The following SLC25A21 variants were observed in gnomAD, a reference collection of about 807,000 sequenced individuals.
The protein encoded by SLC25A21 is solute carrier family 25 member 21, also known as mitochondrial 2-oxodicarboxylate carrier.
SLC25A21 carries 47 observed loss-of-function variants against 43.8 expected under a neutral mutation model. That is an observed-to-expected ratio of 1.07 (90% CI 0.85 to 1.37). The LOEUF is 1.37. SLC25A21 is among the 40% of genes most tolerant of loss of function. The probability of loss-of-function intolerance (pLI) is 0.00; values close to 1 mark genes in which losing one functional copy is unlikely to be tolerated. For synonymous variants in SLC25A21, 131 were observed against 121.3 expected (o/e 1.08, Z -0.52); for missense variants, 352 against 350.2 (o/e 1.00, Z -0.04).
chr14:37,115,617 T>C (rs752143310), intron 1 of SLC25A21, among the ~76,000 whole-genome samples: 1 of 152,188 alleles, frequency 6.6e-6, no homozygotes, highest in Non-Finnish European at 1.5e-5. Flanking sequence ...GAAATCCATC[T>C]AGGGCTAGGA....
chr14:36,938,039 T>C (rs945622281), intron 1 of SLC25A21, among the ~76,000 whole-genome samples: 21 of 152,180 alleles, frequency 1.4e-4, no homozygotes, highest in African/African-American at 5.1e-4. Context: ...CAACTCGATA[T>C]AATGTTTGGC....
intron 1 of SLC25A21, among the ~76,000 whole-genome samples, chr14:36,958,679 G>GCGCGCGCGCACA (rs1399246300): frequency 7.3e-6 from 1 of 136,844 alleles, no homozygotes; most frequent in South Asian, 2.6e-4. Context: ...AAGCACACGT[G>GCGCGCGCGCACA]CACACACACA....
intron 1 of SLC25A21, among the ~76,000 whole-genome samples, chr14:36,891,091 G>T (rs571591435): frequency 6.6e-6 from 1 of 152,048 alleles, no homozygotes; most frequent in Non-Finnish European, 1.5e-5. Context: ...AGATACCAAC[G>T]AATGAAAAAC....
chr14:37,088,470 G>T (rs1962525580), intron 1 of SLC25A21, among the ~76,000 whole-genome samples: 1 of 152,160 alleles, frequency 6.6e-6, no homozygotes, highest in South Asian at 2.1e-4. Context: ...TTGTTCTGGT[G>T]CATATTTTTC....
chr14:36,688,820 C>T (rs768345794), intron 7 of SLC25A21, among the ~76,000 whole-genome samples: 4 of 152,172 alleles, frequency 2.6e-5, no homozygotes, highest in South Asian at 2.1e-4. Context: ...TTTTGAGGTA[C>T]GAACTATTAT....
In SLC25A21 at chr14:36,908,230, A is replaced by T. The variant is rs141555775; in HGVS notation, c.71-33226T>A. ...CCTAATGTAAACTATGGCCTTTGAT[A>T]TAATGATATGTCAATGCAGGTTCAC... On this transcript the variant is annotated intron_variant, in intron 1 of 9. Coordinates refer to ENST00000331299, the MANE Select transcript of SLC25A21 (RefSeq NM_030631.4). 7.4e-3 allele frequency among the ~76,000 whole-genome samples: 1,121 copies of T among 152,334 alleles called. 6 individuals are homozygous for T. Among genetic ancestry groups the T allele is most frequent in the Non-Finnish European group, 0.012 (836 of 68,026 alleles).
At chr14:36,759,884 T>C (rs187862430) in intron 3 of SLC25A21, among the ~76,000 whole-genome samples, 193 of 152,122 alleles carry the variant, frequency 1.3e-3, no homozygotes, top group African/African-American at 4.5e-3. Context: ...AGGAGAATCG[T>C]TTGAACCCAG....
At chr14:37,155,075 CTT>C (rs528801358) in intron 1 of SLC25A21, among the ~76,000 whole-genome samples, 2 of 139,518 alleles carry the variant, frequency 1.4e-5, no homozygotes, top group African/African-American at 2.6e-5. Flanking sequence ...AAAGACAGCT[CTT>C]TTTTTTTTTT....
At chr14:37,020,152 C>A (rs1960952811) in intron 1 of SLC25A21, among the ~76,000 whole-genome samples, 1 of 151,832 alleles carries the variant, frequency 6.6e-6, no homozygotes, top group Admixed American at 6.6e-5. Flanking sequence ...AGTGCCAACA[C>A]TGTGTTAAAT....
chr14:36,928,259 A>C (rs1471953125), intron 1 of SLC25A21, among the ~76,000 whole-genome samples: 1 of 152,202 alleles, frequency 6.6e-6, no homozygotes, highest in East Asian at 1.9e-4. Context: ...TCAGCACACA[A>C]GAAAAATAAA....
At chr14:37,145,490 AAATAACT>A in intron 1 of SLC25A21, among the ~76,000 whole-genome samples, 1 of 141,646 alleles carries the variant, frequency 7.1e-6, no homozygotes, top group South Asian at 2.2e-4. Context: ...GAGATGAGCT[AAATAACT>A]CTTTGGGACA....
At chr14:36,723,816 T>C (rs545697171) in intron 6 of SLC25A21, among the ~76,000 whole-genome samples, 1 of 152,340 alleles carries the variant, frequency 6.6e-6, no homozygotes, top group Non-Finnish European at 1.5e-5. Context: ...CCCTTGATGC[T>C]CTGTCCCATT....
In SLC25A21 at chr14:36,713,898, C is replaced by T. The variant is rs570425220; in HGVS notation, c.439-2416G>A. The stretch of plus-strand genomic sequence containing the variant: ...TCAGGAGGCTGACTAAGGAGGCTGA[C>T]GCAGGAGGATCACTTGAGGCCTGGA... On this transcript the variant is annotated intron_variant, in intron 6 of 9. Transcript: ENST00000331299. Among the ~76,000 whole-genome samples the T allele has an allele frequency of 2.3e-4, 35 of 152,152 alleles. 1 individual carries two copies. In the South Asian group the frequency reaches 5.2e-3, roughly 23 times the overall value.
At chr14:36,969,867 T>C (rs1959711104) in intron 1 of SLC25A21, among the ~76,000 whole-genome samples, 1 of 151,978 alleles carries the variant, frequency 6.6e-6, no homozygotes, top group Non-Finnish European at 1.5e-5. Flanking sequence ...AGGGTTCTGG[T>C]GGCTCAGGTT....
rs150909309 is a variant in SLC25A21, at chr14:37,009,632, C to T, written c.71-134628G>A. Among the ~76,000 whole-genome samples, 330 of 152,236 alleles carry T rather than the reference C, an allele frequency of 2.2e-3. 2 individuals carry two copies. The highest frequency in any genetic ancestry group is 0.01 in the East Asian group (52 of 5,178). ...CATTGGTGACATTTCTGAAGTAGTG[C>T]GTAGTGTTTAAATGAAAAGAAAATC... On this transcript the variant is annotated intron_variant, in intron 1 of 9. Coordinates refer to ENST00000331299, the MANE Select transcript of SLC25A21 (RefSeq NM_030631.4).
chr14:36,872,039 T>G (rs1391950535), intron 2 of SLC25A21, among the ~76,000 whole-genome samples: 1 of 152,178 alleles, frequency 6.6e-6, no homozygotes. Context: ...TAGGATTGTA[T>G]TCACGTAAGC....
At chr14:36,915,006 C>T (rs555441624) in intron 1 of SLC25A21, among the ~76,000 whole-genome samples, 22 of 151,480 alleles carry the variant, frequency 1.5e-4, no homozygotes, top group African/African-American at 5.3e-4. Context: ...GATTTAGTTT[C>T]CTTAAAAAAA....
intron 1 of SLC25A21, among the ~76,000 whole-genome samples, chr14:36,981,607 G>C (rs1001564826): frequency 2.6e-5 from 4 of 151,966 alleles, no homozygotes; most frequent in Non-Finnish European, 5.9e-5. Context: ...CAAACACCGC[G>C]TGTTCTCACT....
intron 1 of SLC25A21, among the ~76,000 whole-genome samples, chr14:36,899,005 AT>A (rs1891328757): frequency 6.6e-6 from 1 of 152,244 alleles, no homozygotes; most frequent in South Asian, 2.1e-4. Context: ...TCAGTCCACT[AT>A]GTATCTAATA....
Sources: allele counts gnomAD v4.1 joint callset (sites outside exome capture counted in the v4.1 genomes callset), GRCh38; gene constraint gnomAD v4.1.1; transcripts MANE v1.5; gene names NCBI Gene and HGNC (gene_info 2026-07-23, HGNC 2026-07-21).